ROR2: variants seen among roughly 807,000 people sequenced by gnomAD.
The protein encoded by ROR2 is ROR family WNT receptor 2.
A neutral mutation model predicts 74.9 loss-of-function variants in ROR2; 33 were observed. That is an observed-to-expected ratio of 0.44 (90% CI 0.33 to 0.59). ROR2 has a LOEUF of 0.59. ROR2 is among the 20% of genes least tolerant of loss of function. The pLI is 0.02. For synonymous variants in ROR2, 586 were observed against 558.7 expected (o/e 1.05, Z -0.69); for missense variants, 1,216 against 1,313.8 (o/e 0.93, Z 1.15).
chr9:91,879,506 A>G (rs997877689), intron 1 of ROR2, among the ~76,000 whole-genome samples: 1 of 137,318 alleles, frequency 7.3e-6, no homozygotes, highest in Non-Finnish European at 1.6e-5. Context: ...ACTTTCTTCT[A>G]CTCTTTTTCC....
chr9:91,810,009 A>G (rs1219144872), intron 1 of ROR2, among the ~76,000 whole-genome samples: 1 of 152,242 alleles, frequency 6.6e-6, no homozygotes. Context: ...GACCCCACAC[A>G]GGCTGCTCAG....
chr9:91,731,178 G>A, intron 6 of ROR2, 23 bp from the exon 7 acceptor site: 1 of 1,613,674 alleles, frequency 6.2e-7, no homozygotes. Flanking sequence ...AACACGTTAG[G>A]AAAACCTCCG....
At chr9:91,877,242 C>T (rs1829982904) in intron 1 of ROR2, among the ~76,000 whole-genome samples, 1 of 152,182 alleles carries the variant, frequency 6.6e-6, no homozygotes, top group Non-Finnish European at 1.5e-5. Flanking sequence ...ATTTGTGTCT[C>T]CTCTTCCCAT....
intron 1 of ROR2, among the ~76,000 whole-genome samples, chr9:91,943,422 A>G (rs1831931387): frequency 6.6e-6 from 1 of 152,096 alleles, no homozygotes; most frequent in Non-Finnish European, 1.5e-5. Context: ...CATGAGTTAC[A>G]CTGATACCTC....
At chr9:91,909,856 T>TTTTTTTTTTTTTTTTTG (rs1830924690) in intron 1 of ROR2, among the ~76,000 whole-genome samples, 1 of 125,406 alleles carries the variant, frequency 8.0e-6, no homozygotes, top group Non-Finnish European at 1.6e-5. Context: ...TGTTTTTTTT[T>TTTTTTTTTTTTTTTTTG]TTTTTTTTTT....
chr9:91,846,011 G>A (rs2119232764), intron 1 of ROR2, among the ~76,000 whole-genome samples: 1 of 151,916 alleles, frequency 6.6e-6, no homozygotes, highest in South Asian at 2.1e-4. Flanking sequence ...TCCCATGGTG[G>A]TTGCAGCCAG....
chr9:91,836,072 C>T (rs769337718), intron 1 of ROR2, among the ~76,000 whole-genome samples: 2 of 152,156 alleles, frequency 1.3e-5, no homozygotes, highest in African/African-American at 2.4e-5. Context: ...TTTGGTTTCA[C>T]CTATTTTAAA....
intron 1 of ROR2, among the ~76,000 whole-genome samples, chr9:91,831,009 C>T (rs1302771407): frequency 6.6e-6 from 1 of 152,032 alleles, no homozygotes; most frequent in Admixed American, 6.5e-5. Flanking sequence ...CGCCTGTAAC[C>T]CCAGCACTTT....
chr9:91,941,737 T>G (rs1831874799), intron 1 of ROR2, among the ~76,000 whole-genome samples: 1 of 152,090 alleles, frequency 6.6e-6, no homozygotes, highest in South Asian at 2.1e-4. Flanking sequence ...TGTACTGTAT[T>G]GTACTGTCTC....
rs11405599 is a variant in ROR2, at chr9:91,764,559, T to TACACACACACACACACACACAC, written c.176-7022_176-7001dup. ...TTAAATGCTATGAGCTATAATCACT[T>TACACACACACACACACACACAC]ACACACACACACACACACACACACA... On this transcript the variant is annotated intron_variant, in intron 2 of 8. Coordinates refer to ENST00000375708, the MANE Select transcript of ROR2 (RefSeq NM_004560.4). Among the ~76,000 whole-genome samples the TACACACACACACACACACACAC allele has an allele frequency of 1.3e-3, 199 of 147,694 alleles. 1 individual carries two copies. Among genetic ancestry groups the TACACACACACACACACACACAC allele is most frequent in the Admixed American group, 7.5e-3 (111 of 14,790 alleles).
intron 1 of ROR2, among the ~76,000 whole-genome samples, chr9:91,902,189 A>C (rs2119436755): frequency 6.6e-6 from 1 of 152,356 alleles, no homozygotes; most frequent in Admixed American, 6.5e-5. Context: ...CACACAACAA[A>C]GAAGAGGAAG....
At chr9:91,911,342 C>A (rs1482524232) in intron 1 of ROR2, among the ~76,000 whole-genome samples, 1 of 152,168 alleles carries the variant, frequency 6.6e-6, no homozygotes, top group East Asian at 1.9e-4. Flanking sequence ...TTACTACACA[C>A]CTGCACTAAC....
chr9:91,875,933 G>C (rs528077379), intron 1 of ROR2, among the ~76,000 whole-genome samples: 14 of 152,096 alleles, frequency 9.2e-5, no homozygotes, highest in African/African-American at 3.4e-4. Flanking sequence ...ATGAGATTGA[G>C]TGTGAATGTA....
chr9:91,783,960 T>G (rs1826709586), intron 1 of ROR2, among the ~76,000 whole-genome samples: 1 of 152,102 alleles, frequency 6.6e-6, no homozygotes, highest in Admixed American at 6.5e-5. Context: ...CCTGACTCCT[T>G]GAGGGCTTGC....
chr9:91,743,039 G>A (rs1487514745), intron 4 of ROR2, among the ~76,000 whole-genome samples: 1 of 152,172 alleles, frequency 6.6e-6, no homozygotes, highest in Admixed American at 6.5e-5. Context: ...TGCAGTAGGG[G>A]AAATCATCTA....
At chr9:91,802,187 C>T (rs1471195769) in intron 1 of ROR2, among the ~76,000 whole-genome samples, 1 of 151,164 alleles carries the variant, frequency 6.6e-6, no homozygotes, top group Non-Finnish European at 1.5e-5. Context: ...CATTCTCCTG[C>T]CTCAGTCTTC....
intron 1 of ROR2, among the ~76,000 whole-genome samples, chr9:91,875,915 A>G (rs1184965756): frequency 6.6e-6 from 1 of 152,152 alleles, no homozygotes; most frequent in Non-Finnish European, 1.5e-5. Context: ...AAGGTGGGGT[A>G]ACAAACAATG....
intron 2 of ROR2, among the ~76,000 whole-genome samples, chr9:91,773,515 T>C (rs1379064753): frequency 6.6e-6 from 1 of 152,244 alleles, no homozygotes; most frequent in Non-Finnish European, 1.5e-5. Flanking sequence ...TCCGTGATAC[T>C]GGAACGTTTT....
At chr9:91,863,176 C>A (rs1829521613) in intron 1 of ROR2, among the ~76,000 whole-genome samples, 1 of 152,238 alleles carries the variant, frequency 6.6e-6, no homozygotes, top group Non-Finnish European at 1.5e-5. Flanking sequence ...TTTGGGCCAA[C>A]AAGCCCAGCT....
Sources: gnomAD v4.1 joint callset for allele counts (sites outside exome capture counted in the v4.1 genomes callset) on GRCh38, gnomAD v4.1.1 for gene constraint, MANE v1.5 for transcripts, NCBI Gene and HGNC (gene_info 2026-07-23, HGNC 2026-07-21) for gene names.